The following CDH10 variants were observed in gnomAD, a reference collection of about 807,000 sequenced individuals.
The protein encoded by CDH10 is cadherin 10, also known as cadherin-10.
In CDH10, 30 loss-of-function variants were observed where a neutral mutation model predicts 73.1. The ratio of observed to expected loss-of-function variants is 0.41; its 90% confidence interval spans 0.31 to 0.56. The LOEUF is 0.56. CDH10 is among the 20% of genes least tolerant of loss of function. CDH10 has a pLI of 0.27. For synonymous variants in CDH10, 345 were observed against 348.2 expected, an observed-to-expected ratio of 0.99 and a Z score of 0.10; for missense variants, 815 against 973.7, an observed-to-expected ratio of 0.84 and a Z score of 2.17.
chr5:24,524,361 G>A (rs188659395), intron 5 of CDH10, among the ~76,000 whole-genome samples: 140 of 152,114 alleles, frequency 9.2e-4, no homozygotes, highest in Admixed American at 2.1e-3. Flanking sequence ...TTCCTCCAAG[G>A]GTGTTTGACA....
intron 2 of CDH10, among the ~76,000 whole-genome samples, chr5:24,569,858 G>A (rs1192649760): frequency 6.6e-6 from 1 of 151,732 alleles, no homozygotes; most frequent in Non-Finnish European, 1.5e-5. Context: ...TGCCTCCTGC[G>A]TTCAAGAAAT....
intron 2 of CDH10, among the ~76,000 whole-genome samples, chr5:24,570,651 A>AATAT (rs34801438): frequency 4.6e-5 from 7 of 151,598 alleles, no homozygotes; most frequent in South Asian, 2.1e-4. Flanking sequence ...CTTACTGTAA[A>AATAT]ATATATATAT....
intron 1 of CDH10, among the ~76,000 whole-genome samples, chr5:24,620,483 T>A (rs145759406): frequency 2.0e-5 from 3 of 152,300 alleles, no homozygotes; most frequent in Admixed American, 6.5e-5. Context: ...TGTGATTGCA[T>A]CCTTTTTCTC....
intron 2 of CDH10, among the ~76,000 whole-genome samples, chr5:24,572,935 G>GA (rs55946839): frequency 0.4 from 28,853 of 72,144 alleles, 5,865 homozygotes; most frequent in Non-Finnish European, 0.51. Context: ...CTTAGAAAAA[G>GA]AAAAAAAAAA....
At chr5:24,526,633 G>A (rs1419167641) in intron 5 of CDH10, among the ~76,000 whole-genome samples, 1 of 151,510 alleles carries the variant, frequency 6.6e-6, no homozygotes, top group Non-Finnish European at 1.5e-5. Context: ...ACCTTTTATC[G>A]ACCTAGTTAC....
At chr5:24,586,361 T>C (rs1219711816) in intron 2 of CDH10, among the ~76,000 whole-genome samples, 2 of 151,802 alleles carry the variant, frequency 1.3e-5, no homozygotes, top group African/African-American at 4.8e-5. Flanking sequence ...TTTTAAGTTA[T>C]AGTTTAACAA....
intron 2 of CDH10, among the ~76,000 whole-genome samples, chr5:24,542,179 T>A (rs12110238): frequency 0.39 from 59,705 of 151,934 alleles, 12,655 homozygotes; most frequent in Admixed American, 0.52. Flanking sequence ...AAGACCATTT[T>A]AAAAAATTAT....
intron 1 of CDH10, among the ~76,000 whole-genome samples, chr5:24,626,423 C>G (rs192102823): frequency 8.2e-4 from 124 of 152,112 alleles, no homozygotes; most frequent in African/African-American, 2.6e-3. Flanking sequence ...GGACAATAAT[C>G]ACGATGGAAA....
intron 3 of CDH10, among the ~76,000 whole-genome samples, chr5:24,536,850 A>G (rs1352103235): frequency 1.3e-5 from 2 of 151,966 alleles, no homozygotes; most frequent in East Asian, 1.9e-4. Context: ...AGAAGTTGAA[A>G]GATACCAGCA....
intron 10 of CDH10, 38 bp downstream of exon 10, chr5:24,492,779 A>G: frequency 1.2e-6 from 1 of 828,968 alleles, no homozygotes; most frequent in Non-Finnish European, 2.1e-6. Flanking sequence ...TCCTGTTAAT[A>G]TCATCATAAG....
intron 2 of CDH10, among the ~76,000 whole-genome samples, chr5:24,568,095 CA>C (rs1237938817): frequency 6.6e-6 from 1 of 152,050 alleles, no homozygotes; most frequent in Non-Finnish European, 1.5e-5. Context: ...AAAATATCCA[CA>C]AGACTGTTTG....
intron 9 of CDH10, among the ~76,000 whole-genome samples, chr5:24,493,323 G>A (rs746430342): frequency 4.6e-5 from 7 of 151,792 alleles, no homozygotes; most frequent in South Asian, 4.1e-4. Context: ...AAAAATGGTC[G>A]AGGAATGTAG....
chr5:24,555,360 T>C (rs1327087427), intron 2 of CDH10, among the ~76,000 whole-genome samples: 2 of 152,164 alleles, frequency 1.3e-5, no homozygotes, highest in Non-Finnish European at 2.9e-5. Flanking sequence ...TATAGGACTG[T>C]CAAGCAGTTC....
At chr5:24,507,212 T>C (rs979478674) in intron 7 of CDH10, among the ~76,000 whole-genome samples, 1 of 151,920 alleles carries the variant, frequency 6.6e-6, no homozygotes, top group African/African-American at 2.4e-5. Context: ...AATATATATA[T>C]TCTATCCAAA....
chr5:24,575,576 TG>T (rs1283909653), intron 2 of CDH10, among the ~76,000 whole-genome samples: 1 of 152,104 alleles, frequency 6.6e-6, no homozygotes, highest in Non-Finnish European at 1.5e-5. Context: ...CAGATACCAC[TG>T]GTCATAGCAT....
chr5:24,610,311 G>T (rs1000241390), intron 1 of CDH10, among the ~76,000 whole-genome samples: 1 of 152,104 alleles, frequency 6.6e-6, no homozygotes, highest in Non-Finnish European at 1.5e-5. Flanking sequence ...CTGTAGAAAA[G>T]AACATTAAAT....
chr5:24,491,665 T>C lies in CDH10; in HGVS notation c.1787A>G (p.Gln596Arg), dbSNP rs1742060031. 3.7e-6 allele frequency: 6 copies of C among 1,613,978 alleles called. No individual in the cohort carries two copies. The highest frequency in any genetic ancestry group is 5.1e-6 in the Non-Finnish European group (6 of 1,179,898). ...VCACDSQGNM[Q>R]SCSAEALLLP... ...GAGCAGGGCTTCAGCACTGCAGGAT[T>C]GCATGTTGCCTTGGCTGTCACAAGC... Residue 596 changes from glutamine to arginine, a missense_variant, in exon 11 of 12, where the codon CAA becomes CGA. This residue lies in a region of CDH10 where 241 missense variants were observed against 240.3 expected (regional missense o/e 1.00). Coordinates refer to ENST00000264463, the MANE Select transcript of CDH10 (RefSeq NM_006727.5).
At chr5:24,547,849 C>A (rs996977190) in intron 2 of CDH10, among the ~76,000 whole-genome samples, 1 of 152,134 alleles carries the variant, frequency 6.6e-6, no homozygotes, top group Non-Finnish European at 1.5e-5. Context: ...AAATGGCCAT[C>A]GCTCAGGAGA....
At position 24,509,832 on chromosome 5, in the gene CDH10, AT is replaced by A; in HGVS notation, c.1003-14del. The A allele has an allele frequency of 6.3e-7, 1 of 1,591,828 alleles. No homozygotes were observed. The highest frequency in any genetic ancestry group is 8.6e-7 in the Non-Finnish European group (1 of 1,169,474). On this transcript the variant is annotated splice_polypyrimidine_tract_variant and intron_variant, in intron 6 of 11. Coordinates refer to ENST00000264463, the MANE Select transcript of CDH10 (RefSeq NM_006727.5). ...CATAGTCGAGTGGCTGTATAAAAAAATAAATCATCAAATTAGAGTGAGGGAA... is the reference window on the plus strand; with the variant it reads ...CATAGTCGAGTGGCTGTATAAAAAAAAAATCATCAAATTAGAGTGAGGGAA...
Sources: gnomAD v4.1 joint callset for allele counts (sites outside exome capture counted in the v4.1 genomes callset) on GRCh38, gnomAD v4.1.1 for gene constraint, gnomAD v4.1.1 regional missense constraint, MANE v1.5 for transcripts, NCBI Gene and HGNC (gene_info 2026-07-23, HGNC 2026-07-21) for gene names.